The following DNAH17 variants were observed in gnomAD, a reference collection of about 807,000 sequenced individuals.
DNAH17 encodes axonemal beta dynein heavy chain 17.
In DNAH17, 376 loss-of-function variants were observed where a neutral mutation model predicts 485.6. The observed-to-expected ratio is 0.77, with a 90% CI of 0.71 to 0.84. The LOEUF (loss-of-function observed/expected upper bound fraction) is 0.84, where lower values mean the gene tolerates loss of function less well. DNAH17 is among the 40% of genes least tolerant of loss of function. The pLI, the probability that DNAH17 is intolerant of heterozygous loss-of-function variation, is 0.00. For missense variants in DNAH17, 6,370 were observed against 5,839.3 expected, an observed-to-expected ratio of 1.09 and a Z score of -2.96; for synonymous variants, 3,031 against 2,405.9, an observed-to-expected ratio of 1.26 and a Z score of -7.60.
At chr17:78,473,218 C>T (rs995981900) in intron 54 of DNAH17, among the ~76,000 whole-genome samples, 2 of 152,160 alleles carry the variant, frequency 1.3e-5, no homozygotes, top group Non-Finnish European at 2.9e-5. Context: ...TTACCTCTGC[C>T]CTTAGTTCTG....
chr17:78,434,086 G>A lies in DNAH17; in HGVS notation c.12168C>T (p.Asn4056=), dbSNP rs375982324. 12 of 1,613,618 alleles carry A rather than the reference G, an allele frequency of 7.4e-6. No individual in the cohort carries two copies. The highest frequency in any genetic ancestry group is 1.1e-5 in the South Asian group (1 of 91,074). Reference sequence around the variant, plus strand: ...CGTTGATGGAGATGGTGAGGTCCCCGTTGTTGAAGGGGTACGACCGGTTCC... The same window carrying A: ...CGTTGATGGAGATGGTGAGGTCCCCATTGTTGAAGGGGTACGACCGGTTCC... The part of the protein sequence containing the change: ...QGWNRSYPFN[N]GDLTISINVL... The change falls in exon 75 of 81, where the codon AAC becomes AAT. Residue 4056 remains asparagine, a synonymous_variant. Transcript: ENST00000389840.
rs368531382 is a variant in DNAH17 at position 78,485,933 on chromosome 17, C to T, written c.7275+27G>A. 48 of 1,606,176 alleles carry T rather than the reference C, an allele frequency of 3.0e-5. No individual in the cohort carries two copies. In the African/African-American group the frequency reaches 3.7e-4, roughly 13 times the overall value. On this transcript the variant is annotated intron_variant, in intron 46 of 80. Coordinates refer to ENST00000389840, the MANE Select transcript of DNAH17 (RefSeq NM_173628.4). The stretch of plus-strand genomic sequence containing the variant: ...CGATTCCTGCCTCTAAATCACCAGT[C>T]GGTGGCCCTGCTTTGGGGACAGTTA...
chr17:78,516,713 G>A (rs867791827), intron 25 of DNAH17, among the ~76,000 whole-genome samples: 21 of 129,264 alleles, frequency 1.6e-4, no homozygotes, highest in African/African-American at 5.5e-4. Context: ...AAAAAAAAAA[G>A]AGAGAGAGAC....
chr17:78,455,691 TC>T lies in DNAH17; in HGVS notation c.10122del (p.Asn3375MetfsTer3), dbSNP rs756040246. On this transcript the variant is annotated frameshift_variant, in exon 63 of 81. Coordinates refer to ENST00000389840, the MANE Select transcript of DNAH17 (RefSeq NM_173628.4). LOFTEE classifies it high-confidence loss of function. ...SYVGYFTKKY[R>X]NELMEKFWIP... is the part of the protein sequence containing the mutation. ...ATCCAGAATTTCTCCATCAGCTCAT[TC>T]CGGTATTTCTTGGTGAAGTAGCCCA... 1 of 1,583,502 alleles carries T rather than the reference TC, an allele frequency of 6.3e-7. No individual in the cohort carries two copies. The highest frequency in any genetic ancestry group is 1.2e-5 in the South Asian group (1 of 86,454).
chr17:78,480,941 G>C lies in DNAH17; in HGVS notation c.7650-155C>G, dbSNP rs578147936. Among the ~76,000 whole-genome samples, 14 of 152,128 alleles carry C rather than the reference G, an allele frequency of 9.2e-5. No individual in the cohort carries two copies. In the South Asian group the frequency reaches 2.9e-3, roughly 32 times the overall value. ...GCTGGAGTGCAGTGGCACAATCTCG[G>C]CTCACTGCAAGCTTTGCCTAATTTT... On this transcript the variant is annotated intron_variant, in intron 48 of 80. Coordinates refer to ENST00000389840, the MANE Select transcript of DNAH17 (RefSeq NM_173628.4).
intron 14 of DNAH17, among the ~76,000 whole-genome samples, chr17:78,557,047 G>C (rs1359035971): frequency 6.6e-6 from 1 of 152,080 alleles, no homozygotes; most frequent in Non-Finnish European, 1.5e-5. Context: ...ACAATTACTG[G>C]GAAGTTTTTC....
chr17:78,440,234 C>T (rs1443240331), intron 72 of DNAH17, among the ~76,000 whole-genome samples: 7 of 139,152 alleles, frequency 5.0e-5, no homozygotes, highest in African/African-American at 1.9e-4. Context: ...TGCACCTGGC[C>T]GACTTCATGC....
intron 16 of DNAH17, among the ~76,000 whole-genome samples, chr17:78,549,986 C>T (rs1196520597): frequency 1.3e-5 from 2 of 152,180 alleles, no homozygotes; most frequent in Non-Finnish European, 2.9e-5. Flanking sequence ...ACAGAAAGGA[C>T]AGAGACCCCT....
rs760613768 is a variant in DNAH17, at chr17:78,475,833, C to A, written c.8155G>T (p.Asp2719Tyr). The change falls in exon 53 of 81, where the codon GAT becomes TAT. Residue 2719 changes from aspartate (D) to tyrosine (Y), a missense_variant and splice_region_variant. Coordinates refer to ENST00000389840, the MANE Select transcript of DNAH17 (RefSeq NM_173628.4). ...TMASTKKFFD[D>Y]LGDELLFAKP... is the part of the protein sequence containing the mutation. ...GCAAATAAGAGTTCATCACCAAGATCCTAGAAAAAGAAAAAAAAAGACGAT... is the reference window on the plus strand; with the variant it reads ...GCAAATAAGAGTTCATCACCAAGATACTAGAAAAAGAAAAAAAAAGACGAT... 1.2e-6 allele frequency: 2 copies of A among 1,606,156 alleles called. No individual in the cohort carries two copies. The highest frequency in any genetic ancestry group is 1.1e-5 in the South Asian group (1 of 89,326).
chr17:78,429,793 A>C (rs72916819), intron 75 of DNAH17, among the ~76,000 whole-genome samples: 24,206 of 152,162 alleles, frequency 0.16, 2,043 homozygotes, highest in Middle Eastern at 0.2. Flanking sequence ...CCTTTTGGCC[A>C]CGAAGTCGTT....
At position 78,560,750 on chromosome 17, in the gene DNAH17, A is replaced by C. The variant is rs1230225986; in HGVS notation, c.2021T>G (p.Phe674Cys). Residue 674 changes from phenylalanine (F) to cysteine (C), a missense_variant, in exon 13 of 81, where the codon TTC (phenylalanine) becomes TGC (cysteine). Coordinates refer to ENST00000389840, the MANE Select transcript of DNAH17 (RefSeq NM_173628.4). The stretch of plus-strand genomic sequence containing the variant: ...ACTCCTGGCACCCACCGCTTTGCTG[A>C]AGTTGACGTGGATGAGGTTGCTAGC... ...DAASNLIHVN[F>C]SKALVAVLRE... is the part of the protein sequence containing the mutation. 1.3e-6 allele frequency: 2 copies of C among 1,550,376 alleles called. No homozygotes were observed. The highest frequency in any genetic ancestry group is 2.4e-5 in the South Asian group (2 of 83,998).
chr17:78,466,756 C>G lies in DNAH17; in HGVS notation c.8839G>C (p.Ala2947Pro), dbSNP rs2088480821. Residue 2947 changes from alanine (A) to proline (P), a missense_variant, in exon 56 of 81, where the codon GCT (alanine) becomes CCT (proline). Physicochemically the swap from Ala to Pro is conservative, Grantham distance 27 (BLOSUM62 -1). Transcript: ENST00000389840. Reference sequence around the variant, plus strand: ...TCGATGGCCGTGCAGTTGACCACAGCTGGGAACTTTCTGGCTCGTACCCGC... The same window carrying G: ...TCGATGGCCGTGCAGTTGACCACAGGTGGGAACTTTCTGGCTCGTACCCGC... Reference protein sequence around the residue: ...VLRVRARKFPAVVNCTAIDWF... With the variant: ...VLRVRARKFPPVVNCTAIDWF... 1.9e-6 allele frequency: 3 copies of G among 1,611,834 alleles called. No homozygotes were observed. Among genetic ancestry groups the G allele is most frequent in the African/African-American group, 1.3e-5 (1 of 74,886 alleles).
At chr17:78,499,160 A>T in intron 36 of DNAH17, 48 bp from the exon 37 acceptor site, 347 of 1,174,546 alleles carry the variant, frequency 3.0e-4, no homozygotes, top group Non-Finnish European at 3.8e-4. Flanking sequence ...GGTGACAGGG[A>T]GGGCGGGCGC....
At chr17:78,479,890 C>T (rs2146617818) in intron 49 of DNAH17, among the ~76,000 whole-genome samples, 1 of 152,188 alleles carries the variant, frequency 6.6e-6, no homozygotes, top group East Asian at 1.9e-4. Flanking sequence ...AGAGTACAGG[C>T]CTGGGTTTAA....
At chr17:78,510,773 C>G (rs954067934) in intron 26 of DNAH17, 10 of 402,266 alleles carry the variant, frequency 2.5e-5, no homozygotes, top group Non-Finnish European at 4.2e-5. Flanking sequence ...AATTCACATC[C>G]GCCCAGAACC....
intron 50 of DNAH17, 61 bp downstream of exon 50, chr17:78,479,424 C>A (rs931470224): frequency 3.9e-5 from 59 of 1,513,992 alleles, no homozygotes; most frequent in Non-Finnish European, 4.8e-5. Flanking sequence ...TGTGAAGAAC[C>A]ATCAGCCCAC....
chr17:78,463,020 C>T lies in DNAH17; in HGVS notation c.8998G>A (p.Glu3000Lys), dbSNP rs1046630057. 8.7e-6 allele frequency: 14 copies of T among 1,613,810 alleles called. No homozygotes were observed. Among genetic ancestry groups the T allele is most frequent in the Admixed American group, 1.7e-5 (1 of 59,994 alleles). The change falls in exon 57 of 81, where the codon GAG becomes AAG. Residue 3000 changes from glutamate (E) to lysine (K), a missense_variant. Physicochemically the swap from Glu to Lys is moderately conservative, Grantham distance 56. Coordinates refer to ENST00000389840, the MANE Select transcript of DNAH17 (RefSeq NM_173628.4). ...FMSYVHTTVNEMSRVYLATER... is the reference protein window; with the variant it reads ...FMSYVHTTVNKMSRVYLATER... ...GTAGCCAGGTATACCCTGGACATCT[C>T]GTTGACGGTGGTGTGCACGTAGGAC...
rs2091312904 is a variant in DNAH17 at position 78,534,158 on chromosome 17, A to G, written c.2860-1422T>C. Among the ~76,000 whole-genome samples the G allele has an allele frequency of 2.6e-5, 4 of 152,360 alleles. No homozygotes were observed. In the South Asian group the frequency reaches 8.3e-4, roughly 32 times the overall value. On this transcript the variant is annotated intron_variant, in intron 19 of 80. Coordinates refer to ENST00000389840, the MANE Select transcript of DNAH17 (RefSeq NM_173628.4). ...CTTTACCCAACTCTCACACCAAGCC[A>G]GTATTTCCCCTGCCCTAAATCACCC...
rs531164757 is a variant in DNAH17 at position 78,539,728 on chromosome 17, A to G, written c.2676+9T>C. 1.2e-6 allele frequency: 2 copies of G among 1,600,026 alleles called. No individual in the cohort carries two copies. Among genetic ancestry groups the G allele is most frequent in the Admixed American group, 1.7e-5 (1 of 57,184 alleles). On this transcript the variant is annotated intron_variant, in intron 18 of 80. Transcript: ENST00000389840. ...TACATAAATATATTACCTTATGTTG[A>G]TAACTTACATCTATAACCATGTTGT...
Sources: gnomAD v4.1 joint callset for allele counts (sites outside exome capture counted in the v4.1 genomes callset) on GRCh38, gnomAD v4.1.1 for gene constraint, MANE v1.5 for transcripts, NCBI Gene and HGNC (gene_info 2026-07-23, HGNC 2026-07-21) for gene names.